Variants in NELL1 observed in about 807,000 individuals in gnomAD.
NELL1 encodes protein kinase C-binding protein NELL1.
Under a neutral mutation model 107.4 loss-of-function variants are expected in NELL1, and 76 were observed. The ratio of observed to expected loss-of-function variants is 0.71; its 90% CI spans 0.59 to 0.86. The LOEUF is 0.86. NELL1 is among the 40% of genes least tolerant of loss of function. The pLI is 0.00. For missense variants in NELL1, 1,024 were observed against 1,005.5 expected (o/e 1.02, Z -0.25); for synonymous variants, 353 against 341.2 (o/e 1.03, Z -0.38).
chr11:21,054,608 A>G (rs1001037836), intron 12 of NELL1, among the ~76,000 whole-genome samples: 1 of 152,048 alleles, frequency 6.6e-6, no homozygotes, highest in Admixed American at 6.6e-5. Flanking sequence ...CACTAATATT[A>G]TAGTTTTTGA....
chr11:20,814,450 C>T (rs940067851), intron 3 of NELL1, among the ~76,000 whole-genome samples: 2 of 152,194 alleles, frequency 1.3e-5, no homozygotes, highest in Non-Finnish European at 2.9e-5. Context: ...TGCCTCCACC[C>T]TCCCACCGCT....
intron 2 of NELL1, among the ~76,000 whole-genome samples, chr11:20,743,011 G>C (rs1243981787): frequency 6.6e-6 from 1 of 152,040 alleles, no homozygotes; most frequent in Non-Finnish European, 1.5e-5. Context: ...TAACCAATCT[G>C]TATTCAAAGA....
intron 12 of NELL1, among the ~76,000 whole-genome samples, chr11:20,998,453 C>A (rs1443180672): frequency 3.3e-5 from 5 of 152,064 alleles, no homozygotes; most frequent in Non-Finnish European, 1.5e-5. Context: ...TTTTTGTACT[C>A]TTAGTTTACA....
At chr11:21,421,748 A>C (rs1049367725) in intron 15 of NELL1, among the ~76,000 whole-genome samples, 27 of 151,952 alleles carry the variant, frequency 1.8e-4, no homozygotes, top group African/African-American at 6.5e-4. Context: ...ATGGCCAAAA[A>C]CTCCCCAAGT....
chr11:21,469,796 G>A (rs1482502014), intron 15 of NELL1, among the ~76,000 whole-genome samples: 2 of 152,052 alleles, frequency 1.3e-5, no homozygotes. Flanking sequence ...GGAGTCGAGG[G>A]TGGTGGGTTG....
At chr11:20,915,723 T>TTTTTTTA (rs1564964780) in intron 5 of NELL1, among the ~76,000 whole-genome samples, 4 of 9,570 alleles carry the variant, frequency 4.2e-4, no homozygotes, top group African/African-American at 9.2e-4. Context: ...ATATATTTTT[T>TTTTTTTA]TTTTTTTTTT....
Position 21,142,966 on chromosome 11 carries a change from A to G in NELL1, c.1426+29252A>G, listed in dbSNP as rs548362412. Among the ~76,000 whole-genome samples, 13 of 152,286 alleles carry G rather than the reference A, an allele frequency of 8.5e-5. No individual in the cohort carries two copies. The East Asian group carries it at 2.3e-3, about 27-fold the overall frequency. ...GCAACTGAGTGTAGCTCCTCCTTCTATGTCCCAACTTATATGTAAGTAAAA... is the reference window on the plus strand; with the variant it reads ...GCAACTGAGTGTAGCTCCTCCTTCTGTGTCCCAACTTATATGTAAGTAAAA... On this transcript the variant is annotated intron_variant, in intron 13 of 19. Coordinates refer to ENST00000357134, the MANE Select transcript of NELL1 (RefSeq NM_006157.5).
chr11:21,051,301 A>G (rs1314578709), intron 12 of NELL1, among the ~76,000 whole-genome samples: 6 of 152,154 alleles, frequency 3.9e-5, no homozygotes, highest in Non-Finnish European at 5.9e-5. Context: ...ACCAAACACT[A>G]TATGTTCTCA....
Position 21,489,404 on chromosome 11 carries a change from A to AAAAAC in NELL1, c.1646-44968_1646-44964dup, listed in dbSNP as rs1554922050. 3.2e-3 allele frequency among the ~76,000 whole-genome samples: 445 copies of AAAAAC among 137,256 alleles called. 14 individuals carry two copies. The highest frequency in any genetic ancestry group is 0.019 in the Admixed American group (251 of 12,924). The allele number at this position is 137,256 out of a possible 152,430, so 90.0% of individuals were successfully genotyped here. On this transcript the variant is annotated intron_variant, in intron 15 of 19. Transcript: ENST00000357134. ...TCAAAAAAAAAAAAAAAAAAAAAAA[A>AAAAAC]AAAACAGAAGAAAAGGGAACTCTCC...
intron 2 of NELL1, among the ~76,000 whole-genome samples, chr11:20,759,102 C>T (rs554744503): frequency 6.6e-6 from 1 of 152,242 alleles, no homozygotes; most frequent in African/African-American, 2.4e-5. Flanking sequence ...TAGCTAAGTC[C>T]CAAATGTGGA....
intron 6 of NELL1, 63 bp downstream of exon 6, chr11:20,918,317 C>A: frequency 9.5e-7 from 1 of 1,051,378 alleles, no homozygotes; most frequent in Admixed American, 1.8e-5. Context: ...CAGAGAAACA[C>A]ATCTGGAAAG....
Position 20,954,815 on chromosome 11 carries a change from C to A in NELL1, c.1172-5617C>A, listed in dbSNP as rs17298621. Among the ~76,000 whole-genome samples the A allele has an allele frequency of 8.5e-3, 1,294 of 152,276 alleles. 14 individuals are homozygous for A. The highest frequency in any genetic ancestry group is 0.045 in the Middle Eastern group (13 of 292). On this transcript the variant is annotated intron_variant, in intron 11 of 19. Transcript: ENST00000357134. ...CACTGTCCTTGAAATACAATTTACT[C>A]AACTCCGGGCATCATGATTTGACAT... is the stretch of plus-strand genomic sequence containing the variant.
At chr11:20,728,891 C>G (rs569866218) in intron 2 of NELL1, among the ~76,000 whole-genome samples, 35 of 152,068 alleles carry the variant, frequency 2.3e-4, no homozygotes, top group Non-Finnish European at 3.7e-4. Context: ...GTAGATTGCT[C>G]TGGGCAGTAT....
intron 3 of NELL1, among the ~76,000 whole-genome samples, chr11:20,823,996 G>T (rs78461240): frequency 0.015 from 2,266 of 151,372 alleles, 87 homozygotes; most frequent in African/African-American, 0.051. Flanking sequence ...TGGTCTGGCT[G>T]TGCATCCTCA....
intron 12 of NELL1, among the ~76,000 whole-genome samples, chr11:20,968,887 G>A (rs1430089150): frequency 2.0e-5 from 3 of 152,092 alleles, no homozygotes; most frequent in East Asian, 1.9e-4. Flanking sequence ...ACATTTCACT[G>A]GCCAGAACTC....
chr11:21,384,819 G>T (rs1462705114), intron 15 of NELL1, among the ~76,000 whole-genome samples: 1 of 151,876 alleles, frequency 6.6e-6, no homozygotes, highest in African/African-American at 2.4e-5. Context: ...GTGTATATGT[G>T]ACACATTTTC....
intron 3 of NELL1, among the ~76,000 whole-genome samples, chr11:20,785,763 C>A (rs532760387): frequency 6.6e-6 from 1 of 152,090 alleles, no homozygotes; most frequent in Admixed American, 6.5e-5. Flanking sequence ...TCTATTTTCC[C>A]GGGCTGCTCT....
Position 21,223,781 on chromosome 11 carries a change from C to G in NELL1, c.1427-5551C>G, listed in dbSNP as rs375857562. On this transcript the variant is annotated intron_variant, in intron 13 of 19. Transcript: ENST00000357134. ...GTACTACTTTCATGAAAGTATATGA[C>G]TCAAAAAATATATATTGCCCTACAC... Among the ~76,000 whole-genome samples, 4 of 152,238 alleles carry G rather than the reference C, an allele frequency of 2.6e-5. No individual in the cohort carries two copies. The South Asian group carries it at 8.3e-4, about 32-fold the overall frequency.
chr11:21,551,421 G>A (rs968368408), intron 16 of NELL1, among the ~76,000 whole-genome samples: 2 of 151,972 alleles, frequency 1.3e-5, no homozygotes, highest in Admixed American at 6.6e-5. Flanking sequence ...TCTTGTGCCA[G>A]TTTTCAAAGG....
Sources: allele counts gnomAD v4.1 joint callset (sites outside exome capture counted in the v4.1 genomes callset), GRCh38; gene constraint gnomAD v4.1.1; transcripts MANE v1.5; gene names NCBI Gene and HGNC (gene_info 2026-07-23, HGNC 2026-07-21).